The following STT3B variants were observed in gnomAD, a reference collection of about 807,000 sequenced individuals.
The protein encoded by STT3B is dolichyl-diphosphooligosaccharide--protein glycosyltransferase subunit STT3B.
In STT3B, 29 loss-of-function variants were observed where a neutral mutation model predicts 96.8. The ratio of observed to expected loss-of-function variants is 0.30; its 90% CI spans 0.22 to 0.41. The LOEUF (loss-of-function observed/expected upper bound fraction) is 0.41. STT3B is among the 10% of genes least tolerant of loss of function. The probability of loss-of-function intolerance (pLI) is 1.00; values close to 1 mark genes in which losing one functional copy is unlikely to be tolerated. For synonymous variants in STT3B, 367 were observed against 360.0 expected, an observed-to-expected ratio of 1.02 and a Z score of -0.22; for missense variants, 640 against 1,022.3, an observed-to-expected ratio of 0.63 and a Z score of 5.10.
Position 31,620,292 on chromosome 3 carries a change from G to GA in STT3B, c.1327+469dup, listed in dbSNP as rs1198742545. On this transcript the variant is annotated intron_variant, in intron 9 of 15. Transcript: ENST00000295770. ...TCTGTCTCAAAAAAAAAAAAAAAAA[G>GA]AAAAAAATTCATTGAATTTGTATTA... 6.1e-4 allele frequency: 88 copies of GA among 143,376 alleles called. 1 individual carries two copies. The highest frequency in any genetic ancestry group is 7.2e-3 in the Middle Eastern group (2 of 276). The allele number at this position is 143,376 out of a possible 1,614,324, so 8.9% of individuals were successfully genotyped here.
chr3:31,545,813 GGT>G (rs1697393588), intron 1 of STT3B, among the ~76,000 whole-genome samples: 1 of 131,884 alleles, frequency 7.6e-6, no homozygotes, highest in African/African-American at 3.1e-5. Context: ...CATTAGGAGT[GGT>G]TTTTTTTTTT....
chr3:31,571,526 T>C (rs1575419677), intron 1 of STT3B, among the ~76,000 whole-genome samples: 1 of 152,186 alleles, frequency 6.6e-6, no homozygotes, highest in Admixed American at 6.5e-5. Context: ...TTATATCATA[T>C]GACCCTGCTC....
intron 1 of STT3B, among the ~76,000 whole-genome samples, chr3:31,556,270 TA>T (rs1697708853): frequency 6.6e-6 from 1 of 152,222 alleles, no homozygotes; most frequent in Admixed American, 6.5e-5. Flanking sequence ...CCATTGTGCT[TA>T]TATACCACAC....
At chr3:31,594,266 C>T (rs1698735862) in intron 3 of STT3B, among the ~76,000 whole-genome samples, 1 of 152,084 alleles carries the variant, frequency 6.6e-6, no homozygotes, top group Admixed American at 6.6e-5. Context: ...TGGTGTCCTC[C>T]CTATCATTTC....
At chr3:31,568,861 C>T (rs1266213071) in intron 1 of STT3B, among the ~76,000 whole-genome samples, 4 of 152,000 alleles carry the variant, frequency 2.6e-5, no homozygotes. Context: ...TGTGACTTCC[C>T]CTTTTTATTT....
At chr3:31,617,900 A>G (rs748467793) in intron 7 of STT3B, 40 bp from the exon 8 acceptor site, 2 of 1,411,830 alleles carry the variant, frequency 1.4e-6, no homozygotes, top group African/African-American at 1.4e-5. Flanking sequence ...ACAAAATAAT[A>G]AAAAGGCAGA....
chr3:31,633,238 T>A, intron 15 of STT3B, 91 bp downstream of exon 15: 1 of 1,135,566 alleles, frequency 8.8e-7, no homozygotes, highest in Non-Finnish European at 1.2e-6. Flanking sequence ...AATTTCCATC[T>A]GCCAGATTTA....
chr3:31,580,206 G>A (rs1418216599), intron 3 of STT3B, 110 bp downstream of exon 3: 1 of 1,007,352 alleles, frequency 9.9e-7, no homozygotes, highest in Non-Finnish European at 1.5e-6. Flanking sequence ...TGCGTACAGA[G>A]ATCTGTATTA....
At chr3:31,615,063 G>C in intron 5 of STT3B, 42 bp from the exon 6 acceptor site, 8 of 1,216,208 alleles carry the variant, frequency 6.6e-6, no homozygotes, top group Non-Finnish European at 9.5e-6. Flanking sequence ...GGTACTTAAT[G>C]GTAGTAGTAA....
chr3:31,539,449 C>T (rs1352236925), intron 1 of STT3B, among the ~76,000 whole-genome samples: 4 of 152,100 alleles, frequency 2.6e-5, no homozygotes, highest in Non-Finnish European at 5.9e-5. Flanking sequence ...TCAGTATTTC[C>T]CACAAGAATT....
intron 7 of STT3B, 116 bp downstream of exon 7, chr3:31,617,191 T>C: frequency 1.2e-6 from 1 of 812,242 alleles, no homozygotes; most frequent in South Asian, 3.9e-5. Context: ...TTTTTCTTTT[T>C]TTTTTTTTTT....
At chr3:31,610,798 T>C (rs1363028097) in intron 5 of STT3B, among the ~76,000 whole-genome samples, 1 of 152,188 alleles carries the variant, frequency 6.6e-6, no homozygotes, top group Non-Finnish European at 1.5e-5. Context: ...TGTGTGTATA[T>C]GTATATACAT....
chr3:31,563,096 T>G (rs1447895844), intron 1 of STT3B, among the ~76,000 whole-genome samples: 5 of 152,158 alleles, frequency 3.3e-5, no homozygotes, highest in African/African-American at 1.2e-4. Flanking sequence ...CGAACAGGCT[T>G]GTTTCCCTCT....
intron 1 of STT3B, among the ~76,000 whole-genome samples, chr3:31,541,131 C>G (rs1316043286): frequency 6.6e-6 from 1 of 152,152 alleles, no homozygotes; most frequent in Non-Finnish European, 1.5e-5. Context: ...GAAATGAGTT[C>G]TGCAAAGGAT....
intron 3 of STT3B, 80 bp from the exon 4 acceptor site, chr3:31,596,717 GT>G (rs1448258882): frequency 2.5e-5 from 27 of 1,094,206 alleles, no homozygotes; most frequent in Non-Finnish European, 2.5e-5. Context: ...GTAGCCTGTG[GT>G]TACCAAACAT....
chr3:31,576,808 T>C (rs535231814), intron 2 of STT3B, among the ~76,000 whole-genome samples: 6 of 152,290 alleles, frequency 3.9e-5, no homozygotes, highest in Admixed American at 6.5e-5. Context: ...TTTGCTCTTA[T>C]AGCAATTTGG....
chr3:31,552,172 A>G (rs1697575685), intron 1 of STT3B, among the ~76,000 whole-genome samples: 2 of 152,374 alleles, frequency 1.3e-5, no homozygotes, highest in Admixed American at 1.3e-4. Context: ...GAGTTTGTTT[A>G]AAATTGCTGT....
In STT3B at chr3:31,636,563, T is replaced by C. The variant is rs1250849875; in HGVS notation, c.*499T>C. The C allele has an allele frequency of 6.6e-6, 1 of 152,278 alleles. No homozygotes were observed. The highest frequency in any genetic ancestry group is 1.5e-5 in the Non-Finnish European group (1 of 68,068). 9.4% of individuals were successfully genotyped at this position (152,278 alleles called of 1,614,324 possible). A position where few individuals can be genotyped will look rare whatever the true frequency, so the allele number is the denominator to read the frequency against. On this transcript the variant is annotated 3_prime_UTR_variant, in exon 16 of 16. Transcript: ENST00000295770. The stretch of plus-strand genomic sequence containing the variant: ...AGAATCATTATACTTCCTTGAATTA[T>C]ATTTATTTTCATGTTTCTCTAATGC...
chr3:31,553,867 C>T (rs1697630233), intron 1 of STT3B, among the ~76,000 whole-genome samples: 1 of 152,086 alleles, frequency 6.6e-6, no homozygotes, highest in Non-Finnish European at 1.5e-5. Context: ...GCCTGTGGTT[C>T]TTAGAATTGT....
Sources: gnomAD v4.1 joint callset for allele counts (sites outside exome capture counted in the v4.1 genomes callset) on GRCh38, gnomAD v4.1.1 for gene constraint, MANE v1.5 for transcripts, NCBI Gene and HGNC (gene_info 2026-07-23, HGNC 2026-07-21) for gene names.